Variants in SLC4A4 observed in about 807,000 individuals in gnomAD.
SLC4A4 encodes the protein solute carrier family 4 member 4, also known as electrogenic sodium bicarbonate cotransporter 1.
In SLC4A4, 27 loss-of-function variants were observed where a neutral mutation model predicts 111.5. The ratio of observed to expected loss-of-function variants is 0.24; its 90% CI spans 0.18 to 0.33. The LOEUF (loss-of-function observed/expected upper bound fraction) is 0.33. SLC4A4 is among the 10% of genes least tolerant of loss of function. The probability of loss-of-function intolerance (pLI) is 1.00; values close to 1 mark genes in which losing one functional copy is unlikely to be tolerated. For synonymous variants in SLC4A4, 443 were observed against 463.4 expected (o/e 0.96, Z 0.57); for missense variants, 909 against 1,315.5 (o/e 0.69, Z 4.78).
In SLC4A4 at chr4:71,088,472, G is replaced by A. The variant is rs1045932783; in HGVS notation, c.-64-4258G>A. On this transcript the variant is annotated intron_variant, in intron 1 of 26. Coordinates refer to the SLC4A4 transcript ENST00000649996. ...ATGATGTTAGCTGGTTATTTTGCTC[G>A]TTAGTTGATGCAGTTTCTTCCTAGC... 2.8e-4 allele frequency among the ~76,000 whole-genome samples: 43 copies of A among 152,090 alleles called. 1 individual carries two copies. The highest frequency in any genetic ancestry group is 9.2e-4 in the African/African-American group (38 of 41,404).
chr4:71,126,424 G>C (rs1462618069), intron 2 of SLC4A4, among the ~76,000 whole-genome samples: 1 of 152,054 alleles, frequency 6.6e-6, no homozygotes, highest in Non-Finnish European at 1.5e-5. Flanking sequence ...TCTGCTATTT[G>C]GTGGCAATTT....
intron 2 of SLC4A4, among the ~76,000 whole-genome samples, chr4:71,245,570 T>C (rs745608633): frequency 6.6e-6 from 1 of 151,922 alleles, no homozygotes; most frequent in Non-Finnish European, 1.5e-5. Context: ...TGGGGAACAG[T>C]GGAGGAAGAG....
intron 2 of SLC4A4, among the ~76,000 whole-genome samples, chr4:71,239,782 A>G (rs1720062877): frequency 6.6e-6 from 1 of 152,176 alleles, no homozygotes; most frequent in Non-Finnish European, 1.5e-5. Context: ...AAATAAATAG[A>G]AGCCTTTAAA....
At chr4:71,105,604 C>G (rs1474259948) in intron 2 of SLC4A4, among the ~76,000 whole-genome samples, 2 of 144,038 alleles carry the variant, frequency 1.4e-5, no homozygotes, top group Middle Eastern at 7.1e-3. Flanking sequence ...ACAGAGCCCT[C>G]AGAAATAACG....
chr4:71,125,408 A>G (rs1333393688), intron 2 of SLC4A4, among the ~76,000 whole-genome samples: 5 of 152,218 alleles, frequency 3.3e-5, no homozygotes, highest in Admixed American at 6.5e-5. Flanking sequence ...CCCTGTCTCC[A>G]CTAAAAATAC....
chr4:71,349,502 A>G (rs991573072), intron 4 of SLC4A4, among the ~76,000 whole-genome samples: 4 of 152,220 alleles, frequency 2.6e-5, no homozygotes, highest in African/African-American at 9.6e-5. Context: ...AACTTGCCTC[A>G]TGAAATCACA....
intron 4 of SLC4A4, 33 bp from the exon 5 acceptor site, chr4:71,349,879 T>A: frequency 6.2e-7 from 1 of 1,611,048 alleles, no homozygotes; most frequent in Non-Finnish European, 8.5e-7. Context: ...TTAGAACACT[T>A]TTAATTGCTC....
chr4:71,440,919 T>C (rs1440461049), intron 8 of SLC4A4, 146 bp downstream of exon 8: 2 of 879,810 alleles, frequency 2.3e-6, no homozygotes, highest in African/African-American at 3.3e-5. Context: ...TTGACTTTTA[T>C]ACTGTCAAAT....
At chr4:71,108,414 T>C (rs1743001143) in intron 2 of SLC4A4, among the ~76,000 whole-genome samples, 1 of 152,226 alleles carries the variant, frequency 6.6e-6, no homozygotes, top group South Asian at 2.1e-4. Flanking sequence ...GCATATAGGA[T>C]TCTTGTTGAC....
At chr4:71,350,184 T>A in intron 5 of SLC4A4, 112 bp downstream of exon 5, 1 of 1,086,480 alleles carries the variant, frequency 9.2e-7, no homozygotes, top group Non-Finnish European at 1.4e-6. Context: ...TTATAACATT[T>A]ATTCTCTCTT....
chr4:71,268,260 G>A (rs1432737198), intron 3 of SLC4A4, among the ~76,000 whole-genome samples: 1 of 152,014 alleles, frequency 6.6e-6, no homozygotes, highest in South Asian at 2.1e-4. Context: ...AGTATAGAAG[G>A]TTGGAGGGGC....
intron 7 of SLC4A4, among the ~76,000 whole-genome samples, chr4:71,416,610 G>T (rs1721846686): frequency 6.6e-6 from 1 of 152,112 alleles, no homozygotes; most frequent in Non-Finnish European, 1.5e-5. Flanking sequence ...TTATAGAAAT[G>T]TGGTGAGAAT....
intron 18 of SLC4A4, among the ~76,000 whole-genome samples, chr4:71,541,168 G>A (rs190495488): frequency 1.3e-5 from 2 of 152,250 alleles, no homozygotes; most frequent in African/African-American, 4.8e-5. Context: ...AGGCTCTGAT[G>A]TAGAAACTTA....
At chr4:71,363,630 T>C (rs1211036638) in intron 6 of SLC4A4, among the ~76,000 whole-genome samples, 2 of 152,234 alleles carry the variant, frequency 1.3e-5, no homozygotes, top group Non-Finnish European at 2.9e-5. Flanking sequence ...TCAGTTGACA[T>C]CTTGCAACTC....
At chr4:71,487,616 T>C (rs1729535922) in intron 15 of SLC4A4, among the ~76,000 whole-genome samples, 1 of 151,634 alleles carries the variant, frequency 6.6e-6, no homozygotes. Context: ...AAGGGGAAAG[T>C]GCTGTTTCAG....
chr4:71,077,108 A>G (rs1253562567), intron 1 of SLC4A4, among the ~76,000 whole-genome samples: 1 of 148,876 alleles, frequency 6.7e-6, no homozygotes, highest in Non-Finnish European at 1.5e-5. Context: ...TAAAATATGT[A>G]AGGAGGTTAT....
intron 10 of SLC4A4, 75 bp downstream of exon 10, chr4:71,450,618 T>G (rs1577934870): frequency 1.5e-6 from 2 of 1,293,986 alleles, no homozygotes; most frequent in Non-Finnish European, 2.2e-6. Flanking sequence ...AAAAAAAAAG[T>G]GAAGTCAACC....
intron 13 of SLC4A4, among the ~76,000 whole-genome samples, chr4:71,471,969 G>C (rs994305371): frequency 2.6e-4 from 40 of 152,020 alleles, no homozygotes; most frequent in African/African-American, 9.4e-4. Context: ...TGGCAAGACA[G>C]CCTTTCTTGA....
intron 1 of SLC4A4, among the ~76,000 whole-genome samples, chr4:71,208,847 G>C (rs545902486): frequency 2.0e-5 from 3 of 152,222 alleles, no homozygotes; most frequent in African/African-American, 7.2e-5. Flanking sequence ...TGATATTCAC[G>C]TGACCCTCAC....
Sources: gnomAD v4.1 joint callset for allele counts (sites outside exome capture counted in the v4.1 genomes callset) on GRCh38, gnomAD v4.1.1 for gene constraint, MANE v1.5 for transcripts, NCBI Gene and HGNC (gene_info 2026-07-23, HGNC 2026-07-21) for gene names.